BNC2: variants seen among roughly 807,000 people sequenced by gnomAD.
The protein encoded by BNC2 is basonuclin zinc finger protein 2.
BNC2 carries 20 observed loss-of-function variants against 76.3 expected under a neutral mutation model. The ratio of observed to expected loss-of-function variants is 0.26; its 90% confidence interval spans 0.18 to 0.38. The LOEUF (loss-of-function observed/expected upper bound fraction) is 0.38. Ranked by LOEUF, BNC2 falls within the 10% of genes least tolerant of loss-of-function variation. The pLI, the probability that BNC2 is intolerant of heterozygous loss-of-function variation, is 1.00. For missense variants in BNC2, 1,382 were observed against 1,399.8 expected (o/e 0.99, Z 0.20); for synonymous variants, 582 against 514.8 (o/e 1.13, Z -1.77).
At chr9:16,651,457 A>C (rs1264119100) in intron 3 of BNC2, among the ~76,000 whole-genome samples, 1 of 152,168 alleles carries the variant, frequency 6.6e-6, no homozygotes, top group African/African-American at 2.4e-5. Context: ...AGATTTTGTC[A>C]CAGAACTGGG....
At chr9:16,797,947 C>G (rs1213152138) in intron 1 of BNC2, among the ~76,000 whole-genome samples, 1 of 152,118 alleles carries the variant, frequency 6.6e-6, no homozygotes, top group Admixed American at 6.5e-5. Flanking sequence ...TCATCTGGCT[C>G]TGATCCCATG....
At chr9:16,458,130 T>C (rs377189679) in intron 5 of BNC2, among the ~76,000 whole-genome samples, 51 of 152,192 alleles carry the variant, frequency 3.4e-4, no homozygotes, top group African/African-American at 1.1e-3. Flanking sequence ...ACTGAAAACA[T>C]AGTCAGTCCT....
chr9:16,738,444 G>C lies in BNC2; in HGVS notation c.45C>G (p.Tyr15Ter). The stretch of plus-strand genomic sequence containing the variant: ...GCTCACTAAGCCTGTCCTCTGATTT[G>C]TAATTAAGGCTATGTGGAGGTGGGG... ...GPTPPPHSLN[Y>*]KSEDRLSEQD... The change falls in exon 2 of 7, where the codon TAC becomes TAG. Residue 15 changes from tyrosine to a stop codon, truncating the protein, a stop_gained. Transcript: ENST00000380672. LOFTEE classifies it high-confidence loss of function. The C allele has an allele frequency of 6.2e-7, 1 of 1,614,060 alleles. No individual in the cohort carries two copies.
At chr9:16,779,975 G>A (rs1315477573) in intron 1 of BNC2, among the ~76,000 whole-genome samples, 6 of 152,144 alleles carry the variant, frequency 3.9e-5, no homozygotes, top group Admixed American at 1.3e-4. Flanking sequence ...GGTGGCTCAC[G>A]CCTGTGATCC....
rs547125645 is a variant in BNC2, at chr9:16,438,083, C to A, written c.670-559G>T. Among the ~76,000 whole-genome samples the A allele has an allele frequency of 2.0e-5, 3 of 152,060 alleles. No homozygotes were observed. In the South Asian group the frequency reaches 6.2e-4, roughly 32 times the overall value. ...AAAAGATGAATAAAGTAGCACTACC[C>A]CTCATACCTTGTTACTAAACTGTAT... On this transcript the variant is annotated intron_variant, in intron 5 of 6. Transcript: ENST00000380672.
chr9:16,800,995 A>C (rs555469821), intron 1 of BNC2, among the ~76,000 whole-genome samples: 1 of 152,336 alleles, frequency 6.6e-6, no homozygotes, highest in Admixed American at 6.5e-5. Context: ...TCCCAAAAGA[A>C]AGATTACACA....
chr9:16,663,078 C>T (rs1386015897), intron 3 of BNC2, among the ~76,000 whole-genome samples: 2 of 150,888 alleles, frequency 1.3e-5, no homozygotes, highest in Non-Finnish European at 3.0e-5. Flanking sequence ...TAACACCTCC[C>T]CTACTCGCTC....
chr9:16,732,378 A>T (rs1824537025), intron 2 of BNC2, among the ~76,000 whole-genome samples: 1 of 152,158 alleles, frequency 6.6e-6, no homozygotes, highest in South Asian at 2.1e-4. Flanking sequence ...ATGTAACTGC[A>T]GGCAAAAAAA....
intron 1 of BNC2, among the ~76,000 whole-genome samples, chr9:16,851,448 G>A (rs1819125093): frequency 6.6e-6 from 1 of 152,190 alleles, no homozygotes; most frequent in African/African-American, 2.4e-5. Context: ...CAAGGCTGCA[G>A]TGAGCCATGA....
At chr9:16,523,722 C>A (rs998167354) in intron 5 of BNC2, among the ~76,000 whole-genome samples, 12 of 151,762 alleles carry the variant, frequency 7.9e-5, no homozygotes, top group Non-Finnish European at 1.8e-4. Flanking sequence ...GTCAATAGTT[C>A]GAGACCAGCC....
intron 5 of BNC2, among the ~76,000 whole-genome samples, chr9:16,551,773 C>A (rs867062888): frequency 1.3e-5 from 2 of 152,082 alleles, no homozygotes; most frequent in Non-Finnish European, 2.9e-5. Flanking sequence ...GTATACAGTG[C>A]AAATAACACA....
chr9:16,676,685 T>A (rs1009114005), intron 3 of BNC2, among the ~76,000 whole-genome samples: 4 of 152,196 alleles, frequency 2.6e-5, no homozygotes, highest in African/African-American at 7.2e-5. Flanking sequence ...ATTCACAAAT[T>A]TAATGCTGCC....
chr9:16,751,349 T>C (rs949232576), intron 1 of BNC2, among the ~76,000 whole-genome samples: 1 of 151,514 alleles, frequency 6.6e-6, no homozygotes, highest in Non-Finnish European at 1.5e-5. Context: ...GCGTTCTCCA[T>C]GATCCATTCA....
Position 16,410,464 on chromosome 9 carries a change from A to T in BNC2, c.*8525T>A, listed in dbSNP as rs1820436717. ...CAGGTTTAGCTCTCCTGCATTCTTTATACTGGCACTGGCAGGAAAATGGTG... is the reference window on the plus strand; with the variant it reads ...CAGGTTTAGCTCTCCTGCATTCTTTTTACTGGCACTGGCAGGAAAATGGTG... On this transcript the variant is annotated 3_prime_UTR_variant, in exon 7 of 7. Transcript: ENST00000380672. 1 of 152,632 alleles carries T rather than the reference A, an allele frequency of 6.6e-6. No individual in the cohort carries two copies. The highest frequency in any genetic ancestry group is 1.5e-5 in the Non-Finnish European group (1 of 68,042). 9.5% of individuals were successfully genotyped at this position (152,632 alleles called of 1,614,324 possible).
chr9:16,533,908 C>CT (rs1362047964), intron 5 of BNC2, among the ~76,000 whole-genome samples: 1 of 152,062 alleles, frequency 6.6e-6, no homozygotes, highest in East Asian at 1.9e-4. Flanking sequence ...TAAAAATCAA[C>CT]TTTTAAGACA....
chr9:16,487,775 T>C (rs1162032617), intron 5 of BNC2, among the ~76,000 whole-genome samples: 1 of 152,186 alleles, frequency 6.6e-6, no homozygotes, highest in East Asian at 1.9e-4. Context: ...GAAATAAACA[T>C]TTCTCTGGGT....
intron 1 of BNC2, among the ~76,000 whole-genome samples, chr9:16,800,510 C>T (rs1817754085): frequency 6.6e-6 from 1 of 151,868 alleles, no homozygotes; most frequent in African/African-American, 2.4e-5. Flanking sequence ...CAACCAGTTA[C>T]TTAACCAGTA....
Position 16,653,388 on chromosome 9 carries a change from G to A in BNC2, c.331-70303C>T, listed in dbSNP as rs567718480. Among the ~76,000 whole-genome samples, 11 of 152,110 alleles carry A rather than the reference G, an allele frequency of 7.2e-5. 1 individual carries two copies. In the South Asian group the frequency reaches 8.3e-4, roughly 12 times the overall value. On this transcript the variant is annotated intron_variant, in intron 3 of 6. Coordinates refer to ENST00000380672, the MANE Select transcript of BNC2 (RefSeq NM_017637.6). Reference sequence around the variant, plus strand: ...AGAAAATAAACTATCTCCTCTTGCCGCCTTAAATACAAAATGCACACATAT... The same window carrying A: ...AGAAAATAAACTATCTCCTCTTGCCACCTTAAATACAAAATGCACACATAT...
intron 3 of BNC2, among the ~76,000 whole-genome samples, chr9:16,588,226 C>T (rs570196288): frequency 6.6e-6 from 1 of 152,166 alleles, no homozygotes; most frequent in Admixed American, 6.5e-5. Flanking sequence ...AAATGACAAC[C>T]ATTTATGGCC....
Sources: allele counts gnomAD v4.1 joint callset (sites outside exome capture counted in the v4.1 genomes callset), GRCh38; gene constraint gnomAD v4.1.1; transcripts MANE v1.5; gene names NCBI Gene and HGNC (gene_info 2026-07-23, HGNC 2026-07-21).